The following OPTN variants were observed in gnomAD, a reference collection of about 807,000 sequenced individuals.
OPTN encodes the protein E3-14.7K-interacting protein.
Under a neutral mutation model 70.4 loss-of-function variants are expected in OPTN, and 54 were observed. That is an observed-to-expected ratio of 0.77 (90% CI 0.62 to 0.96). OPTN has a LOEUF of 0.96. Ranked by LOEUF, OPTN falls within the 40% of genes least tolerant of loss-of-function variation. The probability of loss-of-function intolerance (pLI) is 0.00; values close to 1 mark genes in which losing one functional copy is unlikely to be tolerated. For synonymous variants in OPTN, 256 were observed against 248.5 expected (o/e 1.03, Z -0.28); for missense variants, 624 against 673.2 (o/e 0.93, Z 0.81).
At chr10:13,107,650 G>A (rs936886595) in intron 1 of OPTN, among the ~76,000 whole-genome samples, 1 of 151,890 alleles carries the variant, frequency 6.6e-6, no homozygotes, top group Non-Finnish European at 1.5e-5. Context: ...CAAAGTGCTG[G>A]GATTAGAGGC....
chr10:13,104,297 T>C (rs974662163), intron 1 of OPTN, among the ~76,000 whole-genome samples: 13 of 132,454 alleles, frequency 9.8e-5, no homozygotes, highest in Admixed American at 3.6e-4. Flanking sequence ...TCTCACTCTG[T>C]CACCCAGGCT....
Position 13,106,473 on chromosome 10 carries a change from A to G in OPTN, c.-163-1665A>G, listed in dbSNP as rs930640260. On this transcript the variant is annotated intron_variant, in intron 1 of 14. Coordinates refer to ENST00000378747, the MANE Select transcript of OPTN (RefSeq NM_001008212.2). ...GTGACACATAGATACAAAAAGTTCA[A>G]AAATGAATCCTATGGTTTATCAGTG... Among the ~76,000 whole-genome samples, 9 of 152,234 alleles carry G rather than the reference A, an allele frequency of 5.9e-5. No individual in the cohort carries two copies. In the South Asian group the frequency reaches 8.3e-4, roughly 14 times the overall value.
chr10:13,124,225 C>A, intron 9 of OPTN, 115 bp downstream of exon 9: 1 of 647,230 alleles, frequency 1.5e-6, no homozygotes, highest in Non-Finnish European at 2.7e-6. Flanking sequence ...AAATAGACAC[C>A]TAATTAAAAT....
At position 13,116,313 on chromosome 10, in the gene OPTN, G is replaced by T; in HGVS notation, c.599G>T (p.Gly200Val). 1 of 1,613,638 alleles carries T rather than the reference G, an allele frequency of 6.2e-7. No homozygotes were observed. The highest frequency in any genetic ancestry group is 2.2e-5 in the East Asian group (1 of 44,868). Reference sequence around the variant, plus strand: ...GTAAAAGAAATCAAGCATAGTCCTGGGCCCACGAGAACAGTCTCCACTGGC... The same window carrying T: ...GTAAAAGAAATCAAGCATAGTCCTGTGCCCACGAGAACAGTCTCCACTGGC... ...GSVKEIKHSP[G>V]PTRTVSTGTA... Residue 200 changes from glycine to valine, a missense_variant, in exon 6 of 15, where the codon GGG becomes GTG. Physicochemically the swap from Gly to Val is moderately radical, Grantham distance 109. Coordinates refer to ENST00000378747, the MANE Select transcript of OPTN (RefSeq NM_001008212.2).
In OPTN at chr10:13,132,067, A is replaced by G; in HGVS notation, c.1402A>G (p.Met468Val). 6.2e-7 allele frequency: 1 copy of G among 1,612,188 alleles called. No homozygotes were observed. The highest frequency in any genetic ancestry group is 8.5e-7 in the Non-Finnish European group (1 of 1,178,654). Residue 468 changes from methionine (M) to valine (V), a missense_variant and splice_region_variant, in exon 13 of 15, where the codon ATG (methionine) becomes GTG (valine). Coordinates refer to ENST00000378747, the MANE Select transcript of OPTN (RefSeq NM_001008212.2). ...TCTGTATCTTTTTTTCCTCTAACAG[A>G]TGGAAGTTTACTGTTCTGATTTTCA... ...LETMTILRAQ[M>V]EVYCSDFHAE...
At chr10:13,122,732 A>T (rs962753678) in intron 8 of OPTN, 2 of 440,118 alleles carry the variant, frequency 4.5e-6, no homozygotes, top group Non-Finnish European at 8.6e-6. Flanking sequence ...GCTGGAGTGC[A>T]GTGGCACGAT....
chr10:13,121,828 A>C (rs1291713351), intron 7 of OPTN, among the ~76,000 whole-genome samples: 3 of 152,136 alleles, frequency 2.0e-5, no homozygotes, highest in African/African-American at 4.8e-5. Flanking sequence ...AGGTCCTTTT[A>C]GTAGAGTTTG....
At chr10:13,106,824 G>A (rs546750410) in intron 1 of OPTN, among the ~76,000 whole-genome samples, 11 of 152,222 alleles carry the variant, frequency 7.2e-5, no homozygotes, top group Admixed American at 7.2e-4. Flanking sequence ...GAAACAGGCA[G>A]TGCTCTTATC....
chr10:13,132,448 T>G (rs1241807333), intron 13 of OPTN, among the ~76,000 whole-genome samples: 1 of 152,184 alleles, frequency 6.6e-6, no homozygotes, highest in African/African-American at 2.4e-5. Flanking sequence ...CAGAGACTTG[T>G]GGGAGCTTGA....
intron 12 of OPTN, chr10:13,131,383 G>A (rs1041205282): frequency 6.6e-6 from 1 of 152,666 alleles, no homozygotes; most frequent in African/African-American, 2.4e-5. Context: ...AAGAGGCAAG[G>A]ATCACTGGAG....
chr10:13,101,478 C>G (rs1454484877), intron 1 of OPTN, among the ~76,000 whole-genome samples: 1 of 149,598 alleles, frequency 6.7e-6, no homozygotes, highest in African/African-American at 2.5e-5. Context: ...GCCGAACCCC[C>G]GCCCTTACTT....
rs1350606199 is a variant in OPTN, at chr10:13,119,857, T to C, written c.779+817T>C. On this transcript the variant is annotated intron_variant, in intron 7 of 14. Coordinates refer to ENST00000378747, the MANE Select transcript of OPTN (RefSeq NM_001008212.2). ...TTTGTTTGATTTGGAGAAAAGTCTA[T>C]TCAGAGCCTTTGCCCATTTTTAAAA... 2.6e-5 allele frequency among the ~76,000 whole-genome samples: 4 copies of C among 152,358 alleles called. No homozygotes were observed. The East Asian group carries it at 7.7e-4, about 29-fold the overall frequency.
Position 13,109,240 on chromosome 10 carries a change from C to G in OPTN, c.118C>G (p.Leu40Val). The G allele has an allele frequency of 6.2e-7, 1 of 1,613,994 alleles. No individual in the cohort carries two copies. Among genetic ancestry groups the G allele is most frequent in the Non-Finnish European group, 8.5e-7 (1 of 1,179,922 alleles). ...CCTGGACACGTTTACCCCGGAGGAG[C>G]TGCTGCAGCAGATGAAAGAGCTCCT... ...PNLDTFTPEE[L>V]LQQMKELLTE... is the part of the protein sequence containing the mutation. Residue 40 changes from leucine to valine, a missense_variant, in exon 3 of 15, where the codon CTG becomes GTG. Leu to Val is a conservative substitution (Grantham distance 32, BLOSUM62 1). Coordinates refer to ENST00000378747, the MANE Select transcript of OPTN (RefSeq NM_001008212.2).
intron 5 of OPTN, among the ~76,000 whole-genome samples, chr10:13,115,811 C>T (rs1833194422): frequency 6.6e-6 from 1 of 151,418 alleles, no homozygotes; most frequent in South Asian, 2.1e-4. Flanking sequence ...ACCAACTTGG[C>T]CAAGATGGTG....
intron 14 of OPTN, among the ~76,000 whole-genome samples, chr10:13,133,991 T>C (rs1238997554): frequency 1.3e-5 from 2 of 152,168 alleles, no homozygotes. Context: ...GTATTTTTAA[T>C]AGAGATGGGG....
rs768464515 is a variant in OPTN, at chr10:13,112,479, C to T, written c.396C>T (p.Pro132=). The T allele has an allele frequency of 3.5e-5, 56 of 1,613,892 alleles. No individual in the cohort carries two copies. Among genetic ancestry groups the T allele is most frequent in the Non-Finnish European group, 4.7e-5 (55 of 1,180,024 alleles). The change falls in exon 5 of 15, where the codon CCC becomes CCT. Residue 132 remains proline (P), a synonymous_variant. Transcript: ENST00000378747. The part of the protein sequence containing the change: ...SEDPTDDSRL[P]RAEAEQEKDQ... ...ACCCCACTGATGACTCCAGGCTTCC[C>T]AGGGCCGAAGCGGAGCAGGAAAAGG...
chr10:13,132,421 C>G (rs549196213), intron 13 of OPTN, among the ~76,000 whole-genome samples: 1 of 152,122 alleles, frequency 6.6e-6, no homozygotes, highest in Non-Finnish European at 1.5e-5. Context: ...CTTAGTTTGT[C>G]TTACAGGAAA....
At position 13,137,396 on chromosome 10, in the gene OPTN, C is replaced by T. The variant is rs1833723230; in HGVS notation, c.*530C>T. Reference sequence around the variant, plus strand: ...TCAACTCGCAAAGTAGAATCCTTACCTACTACTCTTCTGATAATAATTTTA... The same window carrying T: ...TCAACTCGCAAAGTAGAATCCTTACTTACTACTCTTCTGATAATAATTTTA... On this transcript the variant is annotated 3_prime_UTR_variant, in exon 15 of 15. Transcript: ENST00000378747. 3 of 237,376 alleles carry T rather than the reference C, an allele frequency of 1.3e-5. No homozygotes were observed. Among genetic ancestry groups the T allele is most frequent in the Admixed American group, 5.0e-5 (1 of 19,834 alleles). 14.7% of individuals were successfully genotyped at this position (237,376 alleles called of 1,614,324 possible). A position where few individuals can be genotyped will look rare whatever the true frequency, so the allele number is the denominator to read the frequency against.
intron 7 of OPTN, among the ~76,000 whole-genome samples, chr10:13,121,071 A>G (rs945160547): frequency 6.6e-6 from 1 of 152,108 alleles, no homozygotes; most frequent in Non-Finnish European, 1.5e-5. Flanking sequence ...AATTACCTCC[A>G]CCTGGTCTCT....
Sources: gnomAD v4.1 joint callset for allele counts (sites outside exome capture counted in the v4.1 genomes callset) on GRCh38, gnomAD v4.1.1 for gene constraint, MANE v1.5 for transcripts, NCBI Gene and HGNC (gene_info 2026-07-23, HGNC 2026-07-21) for gene names.